KIF5C: variants seen among roughly 807,000 people sequenced by gnomAD.
KIF5C encodes the protein kinesin heavy chain isoform 5C.
Under a neutral mutation model 125.2 loss-of-function variants are expected in KIF5C, and 18 were observed. That is an observed-to-expected ratio of 0.14 (90% CI 0.10 to 0.21). The LOEUF (loss-of-function observed/expected upper bound fraction) is 0.21, where lower values mean the gene tolerates loss of function less well. Among genes scored for constraint, KIF5C ranks in the 10% least tolerant of loss-of-function variants. The pLI is 1.00. For synonymous variants in KIF5C, 405 were observed against 434.0 expected (o/e 0.93, Z 0.83); for missense variants, 780 against 1,183.8 (o/e 0.66, Z 5.01).
chr2:148,911,272 C>A (rs538099437), intron 1 of KIF5C, among the ~76,000 whole-genome samples: 41 of 151,972 alleles, frequency 2.7e-4, no homozygotes, highest in Non-Finnish European at 1.2e-4. Context: ...TTGGAATTGG[C>A]AGGAAGGAGA....
At chr2:148,985,254 T>C (rs1250098259) in intron 15 of KIF5C, among the ~76,000 whole-genome samples, 4 of 152,308 alleles carry the variant, frequency 2.6e-5, no homozygotes, top group African/African-American at 7.2e-5. Context: ...AGAAAGGCTA[T>C]TGTTGTTATT....
intron 3 of KIF5C, chr2:148,935,158 T>G: frequency 6.7e-6 from 2 of 300,402 alleles, no homozygotes; most frequent in Middle Eastern, 4.2e-4. Context: ...AGACACAAAG[T>G]AGAGAGTGTC....
intron 8 of KIF5C, 156 bp downstream of exon 8, chr2:148,947,179 C>A: frequency 8.3e-7 from 1 of 1,211,310 alleles, no homozygotes; most frequent in Non-Finnish European, 1.1e-6. Context: ...AACCCTTTGT[C>A]CCTGCTTTCT....
intron 21 of KIF5C, among the ~76,000 whole-genome samples, chr2:149,005,033 AT>A (rs1268455860): frequency 1.3e-5 from 2 of 152,106 alleles, no homozygotes; most frequent in African/African-American, 4.8e-5. Flanking sequence ...CATTTACATA[AT>A]AAAAAAAAGA....
intron 21 of KIF5C, among the ~76,000 whole-genome samples, chr2:149,003,000 TG>T (rs943307020): frequency 6.6e-6 from 1 of 152,148 alleles, no homozygotes; most frequent in African/African-American, 2.4e-5. Context: ...CCTCCCAGGC[TG>T]CTCCCCGCTC....
chr2:148,921,939 C>T (rs183194479), intron 1 of KIF5C, among the ~76,000 whole-genome samples, 198 bp from the exon 2 acceptor site: 1 of 152,322 alleles, frequency 6.6e-6, no homozygotes, highest in Admixed American at 6.5e-5. Context: ...CTCAGATTCT[C>T]AACATACAGT....
Position 148,949,929 on chromosome 2 carries a change from T to C in KIF5C, c.805T>C (p.Leu269=). 2.5e-6 allele frequency: 4 copies of C among 1,613,618 alleles called. No individual in the cohort carries two copies. The highest frequency in any genetic ancestry group is 3.4e-6 in the Non-Finnish European group (4 of 1,179,740). ...TGCTCTTGGAAATGTGATCTCTGCT[T>C]TGGCAGAAGGGACAGTAAGTGATCC... ...LSALGNVISA[L]AEGTKTHVPY... Residue 269 remains leucine (L), a synonymous_variant, in exon 9 of 26, where the codon TTG becomes CTG. Coordinates refer to ENST00000435030, the MANE Select transcript of KIF5C (RefSeq NM_004522.3).
intron 1 of KIF5C, among the ~76,000 whole-genome samples, chr2:148,887,483 A>T (rs1403760233): frequency 6.6e-6 from 1 of 152,138 alleles, no homozygotes; most frequent in Admixed American, 6.5e-5. Flanking sequence ...GCTATCAATA[A>T]CCTAAGTCCA....
At chr2:148,979,503 G>C (rs1389138809) in intron 13 of KIF5C, among the ~76,000 whole-genome samples, 1 of 152,122 alleles carries the variant, frequency 6.6e-6, no homozygotes, top group African/African-American at 2.4e-5. Flanking sequence ...TGAACTCCCG[G>C]CCTCTGGCTT....
chr2:149,001,078 A>G (rs1490659510), intron 21 of KIF5C, among the ~76,000 whole-genome samples: 1 of 152,200 alleles, frequency 6.6e-6, no homozygotes, highest in Non-Finnish European at 1.5e-5. Context: ...TCAACATTCA[A>G]CAGATATTTA....
chr2:148,939,797 G>A (rs960633022), intron 4 of KIF5C, among the ~76,000 whole-genome samples: 1 of 152,186 alleles, frequency 6.6e-6, no homozygotes, highest in Non-Finnish European at 1.5e-5. Context: ...CCTTAAATGA[G>A]TCCCACAGAG....
In KIF5C at chr2:148,924,111, CA is replaced by C. The variant is rs1681897826; in HGVS notation, c.217+1887del. Among the ~76,000 whole-genome samples, 1 of 152,154 alleles carries C rather than the reference CA, an allele frequency of 6.6e-6. No homozygotes were observed. The highest frequency in any genetic ancestry group is 2.1e-4 in the South Asian group (1 of 4,820). On this transcript the variant is annotated intron_variant, in intron 2 of 25. Coordinates refer to ENST00000435030, the MANE Select transcript of KIF5C (RefSeq NM_004522.3). The surrounding 1 kb of genome is among the most constrained non-coding windows in gnomAD (Gnocchi z 4.0). The stretch of plus-strand genomic sequence containing the variant: ...TTGATGAAGGTCTGATTGGATTTCA[CA>C]AATATCCACTGAGGCTAGTGTGAGA...
intron 1 of KIF5C, 121 bp from the exon 2 acceptor site, chr2:148,922,016 T>C: frequency 1.7e-6 from 1 of 603,054 alleles, no homozygotes. Flanking sequence ...ATGAACTGCC[T>C]TAAAGAACAG....
At chr2:148,953,666 T>C (rs1196217278) in intron 10 of KIF5C, among the ~76,000 whole-genome samples, 1 of 152,226 alleles carries the variant, frequency 6.6e-6, no homozygotes, top group Non-Finnish European at 1.5e-5. Context: ...TCCTCCGTTA[T>C]TCCTTTGTGG....
intron 1 of KIF5C, among the ~76,000 whole-genome samples, chr2:148,916,266 G>A (rs1431976507): frequency 6.6e-6 from 1 of 152,248 alleles, no homozygotes; most frequent in Non-Finnish European, 1.5e-5. Flanking sequence ...TAAAGCTGGT[G>A]AGTGTACAAG....
At chr2:148,943,012 A>G (rs916410897) in intron 7 of KIF5C, among the ~76,000 whole-genome samples, 1 of 152,152 alleles carries the variant, frequency 6.6e-6, no homozygotes, top group Non-Finnish European at 1.5e-5. Flanking sequence ...GGACCCTGAT[A>G]ACAGCCTAAG....
At chr2:148,971,702 T>C (rs1463263999) in intron 11 of KIF5C, among the ~76,000 whole-genome samples, 2 of 152,246 alleles carry the variant, frequency 1.3e-5, no homozygotes, top group African/African-American at 4.8e-5. Flanking sequence ...GGAACTGTGA[T>C]ACAAAAGTGA....
In KIF5C at chr2:149,011,599, G is replaced by C. The variant is rs1682199308; in HGVS notation, c.2797G>C (p.Ala933Pro). Residue 933 changes from alanine (A) to proline (P), a missense_variant, in exon 25 of 26, where the codon GCC becomes CCC. Physicochemically the swap from Ala to Pro is conservative, Grantham distance 27 (BLOSUM62 -1). This residue lies in a region of KIF5C where 573 missense variants were observed against 742.6 expected (regional missense o/e 0.77). Coordinates refer to ENST00000435030, the MANE Select transcript of KIF5C (RefSeq NM_004522.3). ...GCCCATCCGCCCCGGACACTACCCG[G>C]CCTCATCTCCAACGGCCGTCCATGC... ...AKPIRPGHYP[A>P]SSPTAVHAIR... is the part of the protein sequence containing the mutation. The C allele has an allele frequency of 6.2e-7, 1 of 1,614,064 alleles. No homozygotes were observed. The highest frequency in any genetic ancestry group is 8.5e-7 in the Non-Finnish European group (1 of 1,179,904).
intron 10 of KIF5C, among the ~76,000 whole-genome samples, chr2:148,951,468 C>T (rs1484168880): frequency 6.6e-6 from 1 of 152,172 alleles, no homozygotes; most frequent in Admixed American, 6.5e-5. Flanking sequence ...TACCCCCTCC[C>T]ACTGTCCAAG....
Sources: gnomAD v4.1 joint callset for allele counts (sites outside exome capture counted in the v4.1 genomes callset) on GRCh38, gnomAD v4.1.1 for gene constraint, gnomAD v4.1.1 regional missense constraint, Gnocchi (gnomAD v3.1) non-coding constraint, MANE v1.5 for transcripts, NCBI Gene and HGNC (gene_info 2026-07-23, HGNC 2026-07-21) for gene names.